ELOVL6: variants seen among roughly 807,000 people sequenced by gnomAD.
ELOVL6 encodes the protein very long chain fatty acid elongase 6.
In ELOVL6, 8 loss-of-function variants were observed where a neutral mutation model predicts 31.7. That is an observed-to-expected ratio of 0.25 (90% confidence interval 0.15 to 0.45). The LOEUF (loss-of-function observed/expected upper bound fraction) is 0.45, where lower values mean the gene tolerates loss of function less well. ELOVL6 is among the 20% of genes least tolerant of loss of function. The pLI is 1.00. For missense variants in ELOVL6, 126 were observed against 326.4 expected, an observed-to-expected ratio of 0.39 and a Z score of 4.73; for synonymous variants, 101 against 117.7, an observed-to-expected ratio of 0.86 and a Z score of 0.92.
intron 2 of ELOVL6, among the ~76,000 whole-genome samples, chr4:110,098,864 TTTATTTTATATA>T (rs1756664776): frequency 6.6e-6 from 1 of 152,154 alleles, no homozygotes; most frequent in Non-Finnish European, 1.5e-5. Context: ...TATGGATCCA[TTTATTTTATATA>T]AATAGTATCA....
intron 1 of ELOVL6, among the ~76,000 whole-genome samples, chr4:110,155,736 G>A (rs1236802289): frequency 6.6e-6 from 1 of 151,968 alleles, no homozygotes; most frequent in Non-Finnish European, 1.5e-5. Context: ...GAGCTTGGGG[G>A]CAGATCAACA....
chr4:110,131,885 TA>T (rs1757679994), intron 1 of ELOVL6, among the ~76,000 whole-genome samples: 1 of 150,914 alleles, frequency 6.6e-6, no homozygotes, highest in Non-Finnish European at 1.5e-5. Context: ...ATGAAGAGGA[TA>T]GGGGAAAAAA....
intron 1 of ELOVL6, among the ~76,000 whole-genome samples, chr4:110,123,571 G>C (rs772340711): frequency 6.6e-6 from 1 of 152,148 alleles, no homozygotes; most frequent in Non-Finnish European, 1.5e-5. Context: ...GTTGGTGCAG[G>C]TGGAAAATGG....
chr4:110,084,693 C>G (rs538888448), intron 2 of ELOVL6, among the ~76,000 whole-genome samples: 97 of 143,330 alleles, frequency 6.8e-4, no homozygotes, highest in Non-Finnish European at 1.3e-3. Flanking sequence ...CTCCCGAGTT[C>G]AAGCAATTTT....
intron 1 of ELOVL6, among the ~76,000 whole-genome samples, chr4:110,194,524 A>T (rs1759715890): frequency 6.6e-6 from 1 of 152,222 alleles, no homozygotes; most frequent in Non-Finnish European, 1.5e-5. Context: ...TGCAGTATTT[A>T]CTTTCATGGC....
At chr4:110,175,291 G>A (rs1356126736) in intron 1 of ELOVL6, among the ~76,000 whole-genome samples, 2 of 152,012 alleles carry the variant, frequency 1.3e-5, no homozygotes, top group Admixed American at 1.3e-4. Flanking sequence ...GCTGGGACAT[G>A]AAAATCGCTT....
At chr4:110,096,864 G>A (rs1756593438) in intron 2 of ELOVL6, among the ~76,000 whole-genome samples, 1 of 152,118 alleles carries the variant, frequency 6.6e-6, no homozygotes, top group Non-Finnish European at 1.5e-5. Context: ...CAATTTGTTA[G>A]GCAGTTATGT....
At chr4:110,078,825 G>T (rs1755740030) in intron 2 of ELOVL6, among the ~76,000 whole-genome samples, 1 of 152,152 alleles carries the variant, frequency 6.6e-6, no homozygotes, top group Non-Finnish European at 1.5e-5. Flanking sequence ...ACCCATCAGT[G>T]TGCTATATTC....
chr4:110,129,481 C>T (rs777642040), intron 1 of ELOVL6, among the ~76,000 whole-genome samples: 1 of 152,180 alleles, frequency 6.6e-6, no homozygotes, highest in Non-Finnish European at 1.5e-5. Context: ...GACTGAATGC[C>T]CATCCATGAT....
chr4:110,165,400 C>T (rs923680638), intron 1 of ELOVL6, among the ~76,000 whole-genome samples: 2 of 152,176 alleles, frequency 1.3e-5, no homozygotes, highest in African/African-American at 2.4e-5. Flanking sequence ...AGCTTCCAAT[C>T]GACCCTCACA....
In ELOVL6 at chr4:110,049,686, G is replaced by C. The variant is rs969367604; in HGVS notation, c.*1652C>G. ...CTGTGTGTCTGTGTGTGTATGCGTG[G>C]CTATGTGCGTGTAATCTATGCAGTG... On this transcript the variant is annotated 3_prime_UTR_variant, in exon 4 of 4. Transcript: ENST00000302274. The C allele has an allele frequency of 2.0e-5, 3 of 150,444 alleles. No individual in the cohort carries two copies. Among genetic ancestry groups the C allele is most frequent in the Admixed American group, 6.7e-5 (1 of 14,898 alleles). 9.3% of individuals were successfully genotyped at this position (150,444 alleles called of 1,614,324 possible).
intron 1 of ELOVL6, among the ~76,000 whole-genome samples, chr4:110,193,160 A>ATTATGCTGCTATATTTT (rs1759672405): frequency 6.6e-6 from 1 of 152,228 alleles, no homozygotes; most frequent in South Asian, 2.1e-4. Flanking sequence ...TTTCATTAAC[A>ATTATGCTGCTATATTTT]TTATGCTGCT....
chr4:110,084,409 A>ATATATCATATAT lies in ELOVL6; in HGVS notation c.221+21087_221+21088insATATATGATATA, dbSNP rs1214879320. On this transcript the variant is annotated intron_variant, in intron 2 of 3. Coordinates refer to ENST00000302274, the MANE Select transcript of ELOVL6 (RefSeq NM_024090.3). ...TCGCATATATGATATATGATATATG[A>ATATATCATATAT]CATACATGATATATCACATATATCA... is the stretch of plus-strand genomic sequence containing the variant. Among the ~76,000 whole-genome samples, 8 of 12,024 alleles carry ATATATCATATAT rather than the reference A, an allele frequency of 6.7e-4. 1 individual carries two copies. The highest frequency in any genetic ancestry group is 2.2e-3 in the East Asian group (1 of 452). The allele number at this position is 12,024 out of a possible 152,430, so 7.9% of individuals were successfully genotyped here.
intron 1 of ELOVL6, among the ~76,000 whole-genome samples, chr4:110,190,100 GA>G (rs535357949): frequency 3.6e-3 from 531 of 146,256 alleles, no homozygotes; most frequent in African/African-American, 0.012. Flanking sequence ...GTTTTAGCAA[GA>G]AAAAAAAAAC....
At chr4:110,196,887 G>A (rs1249843697) in intron 1 of ELOVL6, among the ~76,000 whole-genome samples, 1 of 152,162 alleles carries the variant, frequency 6.6e-6, no homozygotes, top group Non-Finnish European at 1.5e-5. Flanking sequence ...CGGCCGGGCG[G>A]GAGGAGAAGG....
intron 1 of ELOVL6, among the ~76,000 whole-genome samples, chr4:110,135,989 A>G (rs1228164658): frequency 6.6e-6 from 1 of 152,110 alleles, no homozygotes. Context: ...CTTAACTTGG[A>G]TATGTGATTA....
At chr4:110,166,339 G>A (rs1039797904) in intron 1 of ELOVL6, among the ~76,000 whole-genome samples, 7 of 152,098 alleles carry the variant, frequency 4.6e-5, no homozygotes, top group South Asian at 2.1e-4. Flanking sequence ...TCAGCCAGGC[G>A]CGGTGGCTCA....
chr4:110,161,889 C>T (rs988149582), intron 1 of ELOVL6, among the ~76,000 whole-genome samples: 2 of 152,140 alleles, frequency 1.3e-5, no homozygotes, highest in East Asian at 3.8e-4. Flanking sequence ...TGCAAGGGTT[C>T]CATATTCACA....
chr4:110,152,678 AGCTCTGCAGTG>A (rs1758308863), intron 1 of ELOVL6, among the ~76,000 whole-genome samples: 1 of 152,208 alleles, frequency 6.6e-6, no homozygotes, highest in Non-Finnish European at 1.5e-5. Context: ...ATCTCTGGCA[AGCTCTGCAGTG>A]ATGCTGCTGG....
Sources: gnomAD v4.1 joint callset for allele counts (sites outside exome capture counted in the v4.1 genomes callset) on GRCh38, gnomAD v4.1.1 for gene constraint, MANE v1.5 for transcripts, NCBI Gene and HGNC (gene_info 2026-07-23, HGNC 2026-07-21) for gene names.